KCNIP3: variants seen among roughly 807,000 people sequenced by gnomAD.
KCNIP3 encodes the protein potassium voltage-gated channel interacting protein 3.
KCNIP3 carries 28 observed loss-of-function variants against 35.0 expected under a neutral mutation model. The observed-to-expected ratio is 0.80, with a 90% CI of 0.59 to 1.10. The LOEUF is 1.10. Ranked by LOEUF, KCNIP3 falls within the 50% of genes least tolerant of loss-of-function variation. KCNIP3 has a pLI of 0.00. For missense variants in KCNIP3, 295 were observed against 338.4 expected (o/e 0.87, Z 1.01); for synonymous variants, 134 against 133.8 (o/e 1.00, Z -0.01).
intron 2 of KCNIP3, among the ~76,000 whole-genome samples, chr2:95,358,023 A>T (rs921108694): frequency 6.6e-6 from 1 of 152,078 alleles, no homozygotes; most frequent in Non-Finnish European, 1.5e-5. Flanking sequence ...ATCTGAATGG[A>T]GTGTGTTCAG....
At chr2:95,328,528 G>A (rs1416880633) in intron 2 of KCNIP3, among the ~76,000 whole-genome samples, 2 of 152,222 alleles carry the variant, frequency 1.3e-5, no homozygotes, top group East Asian at 1.9e-4. Flanking sequence ...GGGGAGGGTG[G>A]GCTGGACGCC....
intron 2 of KCNIP3, among the ~76,000 whole-genome samples, chr2:95,323,444 C>T (rs1261640300): frequency 6.6e-6 from 1 of 152,172 alleles, no homozygotes; most frequent in African/African-American, 2.4e-5. Context: ...GTGCTCTGGG[C>T]TCCGTGGCAC....
chr2:95,373,896 C>A (rs1208911011), intron 2 of KCNIP3, among the ~76,000 whole-genome samples: 1 of 152,204 alleles, frequency 6.6e-6, no homozygotes, highest in East Asian at 1.9e-4. Context: ...TCAGGGAGGG[C>A]CACATGGAGG....
At chr2:95,304,908 T>G (rs1185488491) in intron 1 of KCNIP3, among the ~76,000 whole-genome samples, 2 of 152,108 alleles carry the variant, frequency 1.3e-5, no homozygotes, top group Non-Finnish European at 2.9e-5. Flanking sequence ...ACCAGGTGAC[T>G]GGCAGAGAAT....
At chr2:95,321,318 T>G (rs1028317375) in intron 2 of KCNIP3, among the ~76,000 whole-genome samples, 1 of 152,172 alleles carries the variant, frequency 6.6e-6, no homozygotes, top group Non-Finnish European at 1.5e-5. Context: ...AAGTTACATT[T>G]AATACCAGAT....
At chr2:95,322,816 C>T (rs928609492) in intron 2 of KCNIP3, among the ~76,000 whole-genome samples, 3 of 152,218 alleles carry the variant, frequency 2.0e-5, no homozygotes, top group African/African-American at 7.2e-5. Context: ...TTCAAAACAC[C>T]ACCCAACCCC....
chr2:95,376,714 C>T lies in KCNIP3; in HGVS notation c.447+1506C>T, dbSNP rs1680205897. The stretch of plus-strand genomic sequence containing the variant: ...GAGGAGGGCACAAGCCCCCATGGCC[C>T]CATCCTGGGAGCCCCACAGACTGGG... On this transcript the variant is annotated intron_variant, in intron 5 of 8. Coordinates refer to ENST00000295225, the MANE Select transcript of KCNIP3 (RefSeq NM_013434.5). This position sits in a 1 kb window ranked among gnomAD's most constrained non-coding sequence, Gnocchi z 4.2. 6.6e-6 allele frequency among the ~76,000 whole-genome samples: 1 copy of T among 152,222 alleles called. No homozygotes were observed. The highest frequency in any genetic ancestry group is 6.5e-5 in the Admixed American group (1 of 15,282).
chr2:95,340,871 C>T (rs1679179681), intron 2 of KCNIP3, among the ~76,000 whole-genome samples: 2 of 152,200 alleles, frequency 1.3e-5, no homozygotes, highest in Admixed American at 6.5e-5. Flanking sequence ...CTGGAAGCCA[C>T]CCTCTGGCTG....
At chr2:95,325,102 G>A (rs1313003792) in intron 2 of KCNIP3, among the ~76,000 whole-genome samples, 1 of 152,180 alleles carries the variant, frequency 6.6e-6, no homozygotes, top group Non-Finnish European at 1.5e-5. Context: ...AAGTGTACTG[G>A]CTGGGCCCCT....
At chr2:95,379,337 C>T (rs1034184635) in intron 5 of KCNIP3, among the ~76,000 whole-genome samples, 3 of 152,354 alleles carry the variant, frequency 2.0e-5, no homozygotes, top group Admixed American at 2.0e-4. Context: ...ATTAGTTTGT[C>T]TGTGTTCTGT....
At chr2:95,360,273 C>T (rs1379260369) in intron 2 of KCNIP3, among the ~76,000 whole-genome samples, 1 of 152,078 alleles carries the variant, frequency 6.6e-6, no homozygotes, top group Non-Finnish European at 1.5e-5. Flanking sequence ...TTCCTTTTCA[C>T]TATAAGGATG....
chr2:95,317,401 G>T (rs1401026932), intron 2 of KCNIP3, among the ~76,000 whole-genome samples: 1 of 152,198 alleles, frequency 6.6e-6, no homozygotes, highest in Non-Finnish European at 1.5e-5. Context: ...GTGAGCTCCG[G>T]GGGCCTGGAG....
chr2:95,360,849 C>T (rs1340207508), intron 2 of KCNIP3, among the ~76,000 whole-genome samples: 1 of 152,186 alleles, frequency 6.6e-6, no homozygotes, highest in Admixed American at 6.5e-5. Flanking sequence ...GCCCTCATGG[C>T]CTGAACACTT....
chr2:95,369,564 C>T (rs1679993725), intron 2 of KCNIP3, among the ~76,000 whole-genome samples: 1 of 152,050 alleles, frequency 6.6e-6, no homozygotes, highest in Admixed American at 6.6e-5. Flanking sequence ...AAAGTTAGTA[C>T]TTATTTCCCT....
At chr2:95,351,717 TG>T (rs1679528989) in intron 2 of KCNIP3, among the ~76,000 whole-genome samples, 1 of 152,228 alleles carries the variant, frequency 6.6e-6, no homozygotes, top group Admixed American at 6.5e-5. Flanking sequence ...CCCTGGCTCA[TG>T]CCTGTAATCC....
intron 2 of KCNIP3, chr2:95,347,210 C>G (rs1679397947): frequency 8.2e-6 from 10 of 1,226,048 alleles, no homozygotes; most frequent in Non-Finnish European, 1.0e-5. Flanking sequence ...CCGGGGTGCA[C>G]TGGTCTGGCG....
At chr2:95,298,173 C>T (rs1276454222) in intron 1 of KCNIP3, among the ~76,000 whole-genome samples, 2 of 152,222 alleles carry the variant, frequency 1.3e-5, no homozygotes, top group African/African-American at 4.8e-5. Context: ...CTCTAGCTGA[C>T]TCTCAAAAGG....
At chr2:95,349,497 C>G (rs1463061117) in intron 2 of KCNIP3, among the ~76,000 whole-genome samples, 6 of 152,182 alleles carry the variant, frequency 3.9e-5, no homozygotes, top group Non-Finnish European at 8.8e-5. Context: ...TGCCCTGGGT[C>G]CCCCATCAGT....
intron 2 of KCNIP3, among the ~76,000 whole-genome samples, chr2:95,328,727 C>T (rs1276197259): frequency 5.3e-5 from 8 of 152,242 alleles, no homozygotes; most frequent in South Asian, 2.1e-4. Flanking sequence ...GCTAACTGAC[C>T]GCCAGGGAGC....
Sources: allele counts gnomAD v4.1 joint callset (sites outside exome capture counted in the v4.1 genomes callset), GRCh38; gene constraint gnomAD v4.1.1; non-coding constraint Gnocchi (gnomAD v3.1); transcripts MANE v1.5; gene names NCBI Gene and HGNC (gene_info 2026-07-23, HGNC 2026-07-21).